REV3L: variants seen among roughly 807,000 people sequenced by gnomAD.
REV3L encodes the protein DNA polymerase zeta catalytic subunit.
In REV3L, 69 loss-of-function variants were observed where a neutral mutation model predicts 299.4. That is an observed-to-expected ratio of 0.23 (90% CI 0.19 to 0.28). The LOEUF is 0.28. Ranked by LOEUF, REV3L falls within the 10% of genes least tolerant of loss-of-function variation. The pLI, the probability that REV3L is intolerant of heterozygous loss-of-function variation, is 1.00. For synonymous variants in REV3L, 1,238 were observed against 1,271.4 expected (o/e 0.97, Z 0.56); for missense variants, 3,128 against 3,693.8 (o/e 0.85, Z 3.97).
chr6:111,315,456 G>C, intron 26 of REV3L, 75 bp from the exon 27 acceptor site: 7 of 1,103,964 alleles, frequency 6.3e-6, no homozygotes, highest in Non-Finnish European at 9.4e-6. Context: ...TAACTTTCCT[G>C]GCTATGACTC....
Position 111,459,405 on chromosome 6 carries a change from T to C in REV3L, c.139+23345A>G, listed in dbSNP as rs187153882. Among the ~76,000 whole-genome samples, 14 of 152,036 alleles carry C rather than the reference T, an allele frequency of 9.2e-5. No individual in the cohort carries two copies. The East Asian group carries it at 1.9e-3, about 21-fold the overall frequency. On this transcript the variant is annotated intron_variant, in intron 1 of 31. Transcript: ENST00000368802. ...TTTATGGCTAAGTCCTCAAAAACAA[T>C]TGCAACAAAACCAAAAACTGACAAG...
chr6:111,447,813 T>C (rs1417301337), intron 1 of REV3L, among the ~76,000 whole-genome samples: 2 of 152,196 alleles, frequency 1.3e-5, no homozygotes, highest in Non-Finnish European at 2.9e-5. Context: ...ACATAATAGA[T>C]GCTCTATATA....
At chr6:111,453,767 T>G (rs1789832836) in intron 1 of REV3L, among the ~76,000 whole-genome samples, 1 of 152,068 alleles carries the variant, frequency 6.6e-6, no homozygotes, top group African/African-American at 2.4e-5. Flanking sequence ...GTAGATCACT[T>G]GAGGTCAGGA....
Position 111,474,981 on chromosome 6 carries a change from CTA to C in REV3L, c.139+7767_139+7768del, listed in dbSNP as rs746427962. ...CATGCACATTACATTCTATAGCTGCCTATATATACACACACACACACACACAC... is the reference window on the plus strand; with the variant it reads ...CATGCACATTACATTCTATAGCTGCCTATATACACACACACACACACACAC... On this transcript the variant is annotated intron_variant, in intron 1 of 31. Coordinates refer to ENST00000368802, the MANE Select transcript of REV3L (RefSeq NM_001372078.1). Among the ~76,000 whole-genome samples, 499 of 108,126 alleles carry C rather than the reference CTA, an allele frequency of 4.6e-3. 1 individual carries two copies. The highest frequency in any genetic ancestry group is 0.037 in the Middle Eastern group (8 of 218). The allele number at this position is 108,126 out of a possible 152,430, so 70.9% of individuals were successfully genotyped here.
In REV3L at chr6:111,482,971, G is replaced by A. The variant is rs1402607343; in HGVS notation, c.-83C>T. 3 of 1,406,138 alleles carry A rather than the reference G, an allele frequency of 2.1e-6. No homozygotes were observed. The African/African-American group carries it at 4.6e-5, about 21-fold the overall frequency. 87.1% of individuals were successfully genotyped at this position (1,406,138 alleles called of 1,614,324 possible). A position where few individuals can be genotyped will look rare whatever the true frequency, so the allele number is the denominator to read the frequency against. On this transcript the variant is annotated 5_prime_UTR_variant, in exon 1 of 32. Coordinates refer to ENST00000368802, the MANE Select transcript of REV3L (RefSeq NM_001372078.1). ...CGGCGGCGGCTCCCTCCGCAGCGGC[G>A]GCGGCGCCCCCTCCCCTTCTCGGCA... is the stretch of plus-strand genomic sequence containing the variant.
intron 1 of REV3L, among the ~76,000 whole-genome samples, chr6:111,439,521 C>G (rs959506388): frequency 6.6e-6 from 1 of 152,190 alleles, no homozygotes; most frequent in Admixed American, 6.5e-5. Context: ...AGTCATTCAA[C>G]ATTTGAAGCA....
At chr6:111,313,605 A>T in intron 27 of REV3L, 116 bp from the exon 28 acceptor site, 1 of 1,078,834 alleles carries the variant, frequency 9.3e-7, no homozygotes, top group Non-Finnish European at 1.3e-6. Flanking sequence ...AAAATTCTAT[A>T]TATGACTTTG....
chr6:111,310,464 CA>C (rs1432683430), intron 29 of REV3L: 1 of 160,852 alleles, frequency 6.2e-6, no homozygotes, highest in Non-Finnish European at 1.3e-5. Context: ...CCAGCTTGGG[CA>C]ACATAGCGAG....
At chr6:111,405,421 C>T in intron 4 of REV3L, 49 bp downstream of exon 4, 1 of 1,426,376 alleles carries the variant, frequency 7.0e-7, no homozygotes, top group Non-Finnish European at 9.6e-7. Context: ...ACACTTGTTT[C>T]AAAACTTTAA....
chr6:111,478,005 A>G (rs886529663), intron 1 of REV3L, among the ~76,000 whole-genome samples: 1 of 152,210 alleles, frequency 6.6e-6, no homozygotes, highest in African/African-American at 2.4e-5. Context: ...TAAAACTAGA[A>G]TTACTGGGTC....
rs766122732 is a variant in REV3L at position 111,375,102 on chromosome 6, G to A, written c.3253C>T (p.Leu1085Phe). 1.2e-6 allele frequency: 2 copies of A among 1,613,182 alleles called. No homozygotes were observed. Among genetic ancestry groups the A allele is most frequent in the Non-Finnish European group, 1.7e-6 (2 of 1,179,696 alleles). The change falls in exon 13 of 32, where the codon CTT becomes TTT. Residue 1085 changes from leucine to phenylalanine, a missense_variant. Leu to Phe is a conservative substitution (Grantham distance 22, BLOSUM62 0). Around this residue, in one of 9 missense-constraint regions of REV3L, gnomAD observed 2,409 missense variants for 2,611.8 expected, o/e 0.92. Transcript: ENST00000368802. The part of the protein sequence containing the change: ...SFRKKRSHAI[L>F]SPPSPSYNAE... ...TTGTAAGATGGTGAGGGAGGAGAAAGAATAGCATGTGACCGTTTTTTCCTG... is the reference window on the plus strand; with the variant it reads ...TTGTAAGATGGTGAGGGAGGAGAAAAAATAGCATGTGACCGTTTTTTCCTG...
At chr6:111,356,444 C>T (rs577246656) in intron 18 of REV3L, among the ~76,000 whole-genome samples, 1 of 151,838 alleles carries the variant, frequency 6.6e-6, no homozygotes, top group African/African-American at 2.4e-5. Context: ...GACTGAGGAC[C>T]GACTACCAAA....
In REV3L at chr6:111,422,645, T is replaced by TAC. The variant is rs1435663104; in HGVS notation, c.140-6174_140-6173insGT. Among the ~76,000 whole-genome samples the TAC allele has an allele frequency of 1.9e-4, 5 of 25,728 alleles. 1 individual carries two copies. The East Asian group carries it at 2.3e-3, about 12-fold the overall frequency. The allele number at this position is 25,728 out of a possible 152,430, so 16.9% of individuals were successfully genotyped here. On this transcript the variant is annotated intron_variant, in intron 1 of 31. Transcript: ENST00000368802. ...ATATATATATACACATATATATATA[T>TAC]ATACATATATATATATACATATATA...
chr6:111,409,308 T>C (rs1041216122), intron 3 of REV3L, among the ~76,000 whole-genome samples: 1 of 151,566 alleles, frequency 6.6e-6, no homozygotes, highest in Non-Finnish European at 1.5e-5. Flanking sequence ...GGGTCAAAAT[T>C]CAATAAAATA....
chr6:111,380,259 CT>C (rs36039889), intron 10 of REV3L, 40 bp from the exon 11 acceptor site: 78,873 of 1,024,862 alleles, frequency 0.077, 5 homozygotes, highest in South Asian at 0.11. Flanking sequence ...AATAAGTTTT[CT>C]TTTTTTTTTT....
chr6:111,353,930 TTG>T (rs1777826975), intron 18 of REV3L: 8 of 152,190 alleles, frequency 5.3e-5, no homozygotes, highest in Admixed American at 2.6e-4. Context: ...CATTTGAGAA[TTG>T]GGGCACAAGT....
rs17540262 is a variant in REV3L, at chr6:111,306,633, C to T, written c.9252+728G>A. Reference sequence around the variant, plus strand: ...CAGTGTAACATGCAAATCACTTAAACTCTCTGTATCAGTTTACTCACCTGT... The same window carrying T: ...CAGTGTAACATGCAAATCACTTAAATTCTCTGTATCAGTTTACTCACCTGT... On this transcript the variant is annotated intron_variant, in intron 31 of 31. Transcript: ENST00000368802. Among the ~76,000 whole-genome samples, 39 of 152,278 alleles carry T rather than the reference C, an allele frequency of 2.6e-4. No homozygotes were observed. The East Asian group carries it at 6.2e-3, about 24-fold the overall frequency.
rs1395497285 is a variant in REV3L at position 111,360,242 on chromosome 6, A to C, written c.6880-1228T>G. On this transcript the variant is annotated intron_variant, in intron 16 of 31. Coordinates refer to ENST00000368802, the MANE Select transcript of REV3L (RefSeq NM_001372078.1). ...ATCACTATAATACACTGATACATGGAACCAGTAAACACAGTAAACTTCTAT... is the reference window on the plus strand; with the variant it reads ...ATCACTATAATACACTGATACATGGCACCAGTAAACACAGTAAACTTCTAT... Among the ~76,000 whole-genome samples, 3 of 152,164 alleles carry C rather than the reference A, an allele frequency of 2.0e-5. No homozygotes were observed. The East Asian group carries it at 5.8e-4, about 29-fold the overall frequency.
At chr6:111,349,116 G>T in intron 20 of REV3L, 102 bp downstream of exon 20, 2 of 621,164 alleles carry the variant, frequency 3.2e-6, no homozygotes, top group Non-Finnish European at 2.8e-6. Flanking sequence ...ATTGACAAAC[G>T]CATAAGCTAT....
Sources: allele counts gnomAD v4.1 joint callset (sites outside exome capture counted in the v4.1 genomes callset), GRCh38; gene constraint gnomAD v4.1.1; regional missense constraint gnomAD v4.1.1; transcripts MANE v1.5; gene names NCBI Gene and HGNC (gene_info 2026-07-23, HGNC 2026-07-21).